The following RNF150 variants were observed in gnomAD, a reference collection of about 807,000 sequenced individuals.
RNF150 encodes the protein ring finger protein 150.
RNF150 carries 24 observed loss-of-function variants against 39.3 expected under a neutral mutation model. The ratio of observed to expected loss-of-function variants is 0.61; its 90% CI spans 0.44 to 0.86. RNF150 has a LOEUF of 0.86. Among genes scored for constraint, RNF150 ranks in the 40% least tolerant of loss-of-function variants. The pLI, the probability that RNF150 is intolerant of heterozygous loss-of-function variation, is 0.00. For synonymous variants in RNF150, 255 were observed against 227.3 expected (o/e 1.12, Z -1.10); for missense variants, 502 against 587.8 (o/e 0.85, Z 1.51).
chr4:141,174,901 A>C (rs1291628110), intron 1 of RNF150, among the ~76,000 whole-genome samples: 3 of 152,020 alleles, frequency 2.0e-5, no homozygotes, highest in East Asian at 3.9e-4. Flanking sequence ...AAAAAAAAAA[A>C]AAAACCTCTG....
At chr4:141,194,883 T>C (rs1728172959) in intron 1 of RNF150, among the ~76,000 whole-genome samples, 1 of 152,068 alleles carries the variant, frequency 6.6e-6, no homozygotes. Context: ...CTCGGAAAAA[T>C]GGGATAATAG....
At chr4:141,043,896 C>T (rs1043506541) in intron 1 of RNF150, among the ~76,000 whole-genome samples, 1 of 152,110 alleles carries the variant, frequency 6.6e-6, no homozygotes, top group Non-Finnish European at 1.5e-5. Flanking sequence ...ACCCAATGCA[C>T]ACCAGTGTTA....
intron 1 of RNF150, among the ~76,000 whole-genome samples, chr4:141,188,255 C>A (rs1443390486): frequency 6.6e-6 from 1 of 152,180 alleles, no homozygotes; most frequent in Non-Finnish European, 1.5e-5. Flanking sequence ...GGTAACCCGA[C>A]CTTTCTCTCT....
intron 1 of RNF150, among the ~76,000 whole-genome samples, chr4:141,142,781 T>G (rs1727142049): frequency 6.6e-6 from 1 of 152,210 alleles, no homozygotes; most frequent in African/African-American, 2.4e-5. Flanking sequence ...TGGGGTTCCT[T>G]CAGGCTCTGA....
chr4:140,946,108 T>G (rs575053585), intron 4 of RNF150, among the ~76,000 whole-genome samples: 2 of 152,344 alleles, frequency 1.3e-5, no homozygotes, highest in East Asian at 3.9e-4. Context: ...TTATCTCTAT[T>G]TATGATTTCG....
intron 1 of RNF150, among the ~76,000 whole-genome samples, chr4:141,020,105 T>TG (rs1379173953): frequency 6.6e-6 from 1 of 151,924 alleles, no homozygotes; most frequent in Non-Finnish European, 1.5e-5. Context: ...GTTTGATATT[T>TG]TTTTTTTCAT....
At chr4:140,901,468 G>C (rs549164930) in intron 6 of RNF150, among the ~76,000 whole-genome samples, 1 of 152,238 alleles carries the variant, frequency 6.6e-6, no homozygotes, top group Admixed American at 6.5e-5. Context: ...CCTTGGTCCA[G>C]GCTGAATATC....
At chr4:141,192,886 T>G (rs1728133434) in intron 1 of RNF150, among the ~76,000 whole-genome samples, 1 of 152,210 alleles carries the variant, frequency 6.6e-6, no homozygotes, top group Non-Finnish European at 1.5e-5. Flanking sequence ...ACTCAGGGCC[T>G]TTGCACATGC....
intron 1 of RNF150, among the ~76,000 whole-genome samples, chr4:141,143,602 G>T (rs945116072): frequency 6.6e-6 from 1 of 152,190 alleles, no homozygotes; most frequent in African/African-American, 2.4e-5. Context: ...GCAAGTCAGT[G>T]GACTTCTTAA....
intron 5 of RNF150, among the ~76,000 whole-genome samples, chr4:140,916,708 C>T (rs1730847718): frequency 6.6e-6 from 1 of 152,110 alleles, no homozygotes; most frequent in Non-Finnish European, 1.5e-5. Flanking sequence ...AAAGATACTC[C>T]TCAAGAAGAG....
At chr4:141,018,965 G>T (rs1735379722) in intron 1 of RNF150, among the ~76,000 whole-genome samples, 1 of 149,754 alleles carries the variant, frequency 6.7e-6, no homozygotes, top group Admixed American at 6.7e-5. Flanking sequence ...CATTGCTGGG[G>T]TTTATTCTTC....
At position 140,890,012 on chromosome 4, in the gene RNF150, A is replaced by G. The variant is rs148984692; in HGVS notation, c.1198+21132T>C. Reference sequence around the variant, plus strand: ...AATTAAGGCAAAACAAAAAACAAATAAAAACCCCCACATTAGCTCCTTTTG... The same window carrying G: ...AATTAAGGCAAAACAAAAAACAAATGAAAACCCCCACATTAGCTCCTTTTG... On this transcript the variant is annotated intron_variant, in intron 6 of 6. Coordinates refer to ENST00000515673, the MANE Select transcript of RNF150 (RefSeq NM_020724.2). Among the ~76,000 whole-genome samples the G allele has an allele frequency of 5.9e-3, 896 of 152,282 alleles. 5 individuals are homozygous for G. The highest frequency in any genetic ancestry group is 0.011 in the Admixed American group (165 of 15,300).
At chr4:141,010,215 T>C (rs368556883) in intron 1 of RNF150, among the ~76,000 whole-genome samples, 2 of 152,178 alleles carry the variant, frequency 1.3e-5, no homozygotes, top group African/African-American at 2.4e-5. Context: ...TTGAAGTAGA[T>C]GGAGATTTTC....
chr4:141,189,301 C>T lies in RNF150; in HGVS notation c.-6+23493G>A, dbSNP rs138063634. ...TCCCAGAGGGGCACCCTCCAGAAGC[C>T]AGCTGGAGCTCTCCTGTATGAGGTG... On this transcript the variant is annotated intron_variant, in intron 1 of 7. Coordinates refer to the RNF150 transcript ENST00000420921. Among the ~76,000 whole-genome samples, 763 of 152,256 alleles carry T rather than the reference C, an allele frequency of 5.0e-3. 1 individual carries two copies. The highest frequency in any genetic ancestry group is 8.8e-3 in the Non-Finnish European group (601 of 68,030).
chr4:141,099,642 T>C (rs545743552), intron 1 of RNF150, among the ~76,000 whole-genome samples: 1 of 152,282 alleles, frequency 6.6e-6, no homozygotes, highest in East Asian at 1.9e-4. Flanking sequence ...GTAATTATTT[T>C]GACTTTTGAG....
chr4:141,032,013 T>C (rs139601775), intron 1 of RNF150, among the ~76,000 whole-genome samples: 209 of 151,994 alleles, frequency 1.4e-3, no homozygotes, highest in Non-Finnish European at 2.5e-3. Context: ...AGTATGTGTA[T>C]ATATGTATAT....
chr4:141,067,602 T>C (rs1737512976), intron 1 of RNF150, among the ~76,000 whole-genome samples: 1 of 152,174 alleles, frequency 6.6e-6, no homozygotes, highest in African/African-American at 2.4e-5. Flanking sequence ...CATCTCCTAT[T>C]GTTGAGGAAG....
At chr4:140,896,804 C>A (rs550354082) in intron 6 of RNF150, among the ~76,000 whole-genome samples, 2 of 151,288 alleles carry the variant, frequency 1.3e-5, no homozygotes, top group Non-Finnish European at 2.9e-5. Flanking sequence ...ACGGCTTATG[C>A]TAAAAATGTA....
rs1728637600 is a variant in RNF150 at position 140,864,831 on chromosome 4, T to C, written c.*3430A>G. The C allele has an allele frequency of 6.6e-6, 1 of 152,168 alleles. No homozygotes were observed. Among genetic ancestry groups the C allele is most frequent in the African/African-American group, 2.4e-5 (1 of 41,424 alleles). The allele number at this position is 152,168 out of a possible 1,614,324, so 9.4% of individuals were successfully genotyped here. ...TGTGTGAGTTTTAAGTAACAACTGG[T>C]CAGAGGAGTAACAACAAATGGTCAT... On this transcript the variant is annotated 3_prime_UTR_variant, in exon 7 of 7. Transcript: ENST00000515673.
Sources: allele counts gnomAD v4.1 joint callset (sites outside exome capture counted in the v4.1 genomes callset), GRCh38; gene constraint gnomAD v4.1.1; transcripts MANE v1.5; gene names NCBI Gene and HGNC (gene_info 2026-07-23, HGNC 2026-07-21).